Variants in ZC3H14 observed in about 807,000 individuals in gnomAD.
The protein encoded by ZC3H14 is zinc finger CCCH domain-containing protein 14.
In ZC3H14, 31 loss-of-function variants were observed where a neutral mutation model predicts 92.4. The ratio of observed to expected loss-of-function variants is 0.34; its 90% confidence interval spans 0.25 to 0.45. The LOEUF is 0.45. Ranked by LOEUF, ZC3H14 falls within the 20% of genes least tolerant of loss-of-function variation. ZC3H14 has a pLI of 1.00. For synonymous variants in ZC3H14, 321 were observed against 300.9 expected (o/e 1.07, Z -0.69); for missense variants, 781 against 897.3 (o/e 0.87, Z 1.66).
chr14:88,564,080 G>A (rs2079249787), intron 2 of ZC3H14, among the ~76,000 whole-genome samples: 1 of 152,108 alleles, frequency 6.6e-6, no homozygotes, highest in Non-Finnish European at 1.5e-5. Flanking sequence ...TGGGAGTGCG[G>A]GGATTACTGG....
intron 15 of ZC3H14, among the ~76,000 whole-genome samples, 173 bp from the exon 16 acceptor site, chr14:88,610,661 A>T (rs1489826431): frequency 6.8e-6 from 1 of 147,864 alleles, no homozygotes; most frequent in Admixed American, 6.8e-5. Flanking sequence ...AAAAAAAAAC[A>T]GGCTTGGTAG....
Position 88,625,794 on chromosome 14 carries a change from C to A in ZC3H14, c.*14043C>A, listed in dbSNP as rs1459498892. 1 of 152,122 alleles carries A rather than the reference C, an allele frequency of 6.6e-6. No individual in the cohort carries two copies. Among genetic ancestry groups the A allele is most frequent in the Non-Finnish European group, 1.5e-5 (1 of 68,034 alleles). The allele number at this position is 152,122 out of a possible 1,614,324, so 9.4% of individuals were successfully genotyped here. On this transcript the variant is annotated 3_prime_UTR_variant, in exon 17 of 17. Transcript: ENST00000251038. Reference sequence around the variant, plus strand: ...GCACAAACATTTCAATAGTCTTTTTCTCAAAAATGTAAGTGTACTTAAATA... The same window carrying A: ...GCACAAACATTTCAATAGTCTTTTTATCAAAAATGTAAGTGTACTTAAATA...
Position 88,615,130 on chromosome 14 carries a change from T to G in ZC3H14, c.*3379T>G, listed in dbSNP as rs1357388205. On this transcript the variant is annotated 3_prime_UTR_variant, in exon 17 of 17. Transcript: ENST00000251038. ...AATGTGCGATTACAGAGATGGCATC[T>G]GAACATAAACTGATGGCTCGAAAAT... 1 of 152,192 alleles carries G rather than the reference T, an allele frequency of 6.6e-6. No homozygotes were observed. The highest frequency in any genetic ancestry group is 2.4e-5 in the African/African-American group (1 of 41,456). The allele number at this position is 152,192 out of a possible 1,614,324, so 9.4% of individuals were successfully genotyped here. A position where few individuals can be genotyped will look rare whatever the true frequency, so the allele number is the denominator to read the frequency against.
In ZC3H14 at chr14:88,624,923, G is replaced by T. The variant is rs1567025031; in HGVS notation, c.*13172G>T. The stretch of plus-strand genomic sequence containing the variant: ...TAGAATAATTAACTGCAAACCTCAG[G>T]TAGGTCACAAATGCATAAATATTCT... On this transcript the variant is annotated 3_prime_UTR_variant, in exon 17 of 17. Coordinates refer to ENST00000251038, the MANE Select transcript of ZC3H14 (RefSeq NM_024824.5). The T allele has an allele frequency of 1.9e-6, 3 of 1,599,764 alleles. No homozygotes were observed. Among genetic ancestry groups the T allele is most frequent in the Non-Finnish European group, 2.6e-6 (3 of 1,172,414 alleles).
rs2088985570 is a variant in ZC3H14, at chr14:88,621,734, G to A, written c.*9983G>A. ...TATGATTTATAAATACACTTAATAA[G>A]TACAAACACGCTCAAAAATTTTCAT... On this transcript the variant is annotated 3_prime_UTR_variant, in exon 17 of 17. Coordinates refer to ENST00000251038, the MANE Select transcript of ZC3H14 (RefSeq NM_024824.5). 2.9e-6 allele frequency: 1 copy of A among 342,496 alleles called. No homozygotes were observed. The highest frequency in any genetic ancestry group is 5.8e-6 in the Non-Finnish European group (1 of 172,388). The allele number at this position is 342,496 out of a possible 1,614,324, so 21.2% of individuals were successfully genotyped here. A position where few individuals can be genotyped will look rare whatever the true frequency, so the allele number is the denominator to read the frequency against.
Position 88,618,481 on chromosome 14 carries a change from G to A in ZC3H14, c.*6730G>A, listed in dbSNP as rs887328013. 3 of 1,078,860 alleles carry A rather than the reference G, an allele frequency of 2.8e-6. No individual in the cohort carries two copies. The highest frequency in any genetic ancestry group is 4.0e-6 in the Non-Finnish European group (3 of 752,506). The allele number at this position is 1,078,860 out of a possible 1,614,324, so 66.8% of individuals were successfully genotyped here. On this transcript the variant is annotated 3_prime_UTR_variant, in exon 17 of 17. Coordinates refer to ENST00000251038, the MANE Select transcript of ZC3H14 (RefSeq NM_024824.5). ...AGATCACTACAAAAACTTAATAGGA[G>A]AAAAGCTCTGATAAGTGGGGGAGGA...
chr14:88,578,552 G>A (rs1377450058), intron 9 of ZC3H14, among the ~76,000 whole-genome samples: 3 of 152,124 alleles, frequency 2.0e-5, no homozygotes, highest in African/African-American at 7.2e-5. Context: ...TTAAGCCTTA[G>A]TTATTATCAG....
In ZC3H14 at chr14:88,620,993, C is replaced by T; in HGVS notation, c.*9242C>T. 3 of 1,466,314 alleles carry T rather than the reference C, an allele frequency of 2.0e-6. No individual in the cohort carries two copies. Among genetic ancestry groups the T allele is most frequent in the Non-Finnish European group, 2.7e-6 (3 of 1,110,524 alleles). 90.8% of individuals were successfully genotyped at this position (1,466,314 alleles called of 1,614,324 possible). On this transcript the variant is annotated 3_prime_UTR_variant, in exon 17 of 17. Coordinates refer to ENST00000251038, the MANE Select transcript of ZC3H14 (RefSeq NM_024824.5). The surrounding 1 kb of genome is among the most constrained non-coding windows in gnomAD (Gnocchi z 4.3). ...TAAGTGAAGTACTTCTAAATTATACCAGTTTCCCCTCAAAATGCTCAACAG... is the reference window on the plus strand; with the variant it reads ...TAAGTGAAGTACTTCTAAATTATACTAGTTTCCCCTCAAAATGCTCAACAG...
intron 9 of ZC3H14, chr14:88,589,963 C>G (rs1258206356): frequency 6.6e-6 from 1 of 152,262 alleles, no homozygotes; most frequent in African/African-American, 2.4e-5. Context: ...AACCCCGTCT[C>G]TACTAAAAAT....
intron 3 of ZC3H14, among the ~76,000 whole-genome samples, chr14:88,568,681 G>T (rs1402145594): frequency 6.6e-6 from 1 of 152,136 alleles, no homozygotes; most frequent in Admixed American, 6.5e-5. Context: ...TCTGAAGCCA[G>T]ACAGCCAAAG....
chr14:88,618,294 A>G lies in ZC3H14; in HGVS notation c.*6543A>G, dbSNP rs2088090957. ...ATCCATAAGATGTTTTCCTGAAGGC[A>G]CTTCATAGACATGCCGTTTATAGCA... On this transcript the variant is annotated 3_prime_UTR_variant, in exon 17 of 17. Transcript: ENST00000251038. 1.2e-6 allele frequency: 2 copies of G among 1,613,826 alleles called. No homozygotes were observed. The highest frequency in any genetic ancestry group is 8.5e-7 in the Non-Finnish European group (1 of 1,179,862).
At chr14:88,579,681 T>G (rs1158688845) in intron 9 of ZC3H14, among the ~76,000 whole-genome samples, 1 of 152,242 alleles carries the variant, frequency 6.6e-6, no homozygotes, top group Non-Finnish European at 1.5e-5. Flanking sequence ...AGAAGAAGGT[T>G]GTTGATTCTG....
In ZC3H14 at chr14:88,617,131, A is replaced by C; in HGVS notation, c.*5380A>C. On this transcript the variant is annotated 3_prime_UTR_variant, in exon 17 of 17. Coordinates refer to ENST00000251038, the MANE Select transcript of ZC3H14 (RefSeq NM_024824.5). ...AAGATTAAAGTAGTACTTTATGAAAACTGATAGAACTATTTTTTCTTTTTT... is the reference window on the plus strand; with the variant it reads ...AAGATTAAAGTAGTACTTTATGAAACCTGATAGAACTATTTTTTCTTTTTT... 1 of 304,602 alleles carries C rather than the reference A, an allele frequency of 3.3e-6. No individual in the cohort carries two copies. The allele number at this position is 304,602 out of a possible 1,614,324, so 18.9% of individuals were successfully genotyped here.
Position 88,616,620 on chromosome 14 carries a change from A to T in ZC3H14, c.*4869A>T. 1 of 1,205,084 alleles carries T rather than the reference A, an allele frequency of 8.3e-7. No homozygotes were observed. The highest frequency in any genetic ancestry group is 1.5e-5 in the African/African-American group (1 of 65,322). The allele number at this position is 1,205,084 out of a possible 1,614,324, so 74.6% of individuals were successfully genotyped here. A position where few individuals can be genotyped will look rare whatever the true frequency, so the allele number is the denominator to read the frequency against. On this transcript the variant is annotated 3_prime_UTR_variant, in exon 17 of 17. Coordinates refer to ENST00000251038, the MANE Select transcript of ZC3H14 (RefSeq NM_024824.5). ...ATAGATTTAGAAAGTTTGGGGAAAAATTTAGAAATTAGGACAAAACATTTT... is the reference window on the plus strand; with the variant it reads ...ATAGATTTAGAAAGTTTGGGGAAAATTTTAGAAATTAGGACAAAACATTTT...
chr14:88,603,835 A>G (rs2084957509), intron 12 of ZC3H14, among the ~76,000 whole-genome samples: 1 of 152,240 alleles, frequency 6.6e-6, no homozygotes, highest in South Asian at 2.1e-4. Flanking sequence ...TGGAAGAGAT[A>G]TGAAAATGTA....
chr14:88,592,843 A>G (rs1297751088), intron 9 of ZC3H14, among the ~76,000 whole-genome samples: 1 of 152,148 alleles, frequency 6.6e-6, no homozygotes, highest in Admixed American at 6.5e-5. Flanking sequence ...GCATCTACCA[A>G]CTTGCATCCT....
At chr14:88,600,366 C>T (rs2084440667) in intron 10 of ZC3H14, among the ~76,000 whole-genome samples, 1 of 152,192 alleles carries the variant, frequency 6.6e-6, no homozygotes, top group Non-Finnish European at 1.5e-5. Flanking sequence ...CTGGTTCTTC[C>T]TTAACACTGT....
At chr14:88,565,281 A>G (rs1232338105) in intron 2 of ZC3H14, among the ~76,000 whole-genome samples, 1 of 152,034 alleles carries the variant, frequency 6.6e-6, no homozygotes, top group Non-Finnish European at 1.5e-5. Flanking sequence ...AGCTGGGATT[A>G]CAGGCATCTG....
Position 88,615,589 on chromosome 14 carries a change from ATCCT to A in ZC3H14, c.*3844_*3847del. 2 of 475,650 alleles carry A rather than the reference ATCCT, an allele frequency of 4.2e-6. No individual in the cohort carries two copies. The highest frequency in any genetic ancestry group is 7.4e-6 in the Non-Finnish European group (2 of 271,610). 29.5% of individuals were successfully genotyped at this position (475,650 alleles called of 1,614,324 possible). On this transcript the variant is annotated 3_prime_UTR_variant, in exon 17 of 17. Transcript: ENST00000251038. ...CTTGGCCTTTACCATCAAGTATTCG[ATCCT>A]TCCTTGAAATGGCATTATCTGGCAG...
Sources: gnomAD v4.1 joint callset for allele counts (sites outside exome capture counted in the v4.1 genomes callset) on GRCh38, gnomAD v4.1.1 for gene constraint, Gnocchi (gnomAD v3.1) non-coding constraint, MANE v1.5 for transcripts, NCBI Gene and HGNC (gene_info 2026-07-23, HGNC 2026-07-21) for gene names.